The following SCFD2 variants were observed in gnomAD, a reference collection of about 807,000 sequenced individuals.
The protein encoded by SCFD2 is sec1 family domain-containing protein 2.
Under a neutral mutation model 58.9 loss-of-function variants are expected in SCFD2, and 54 were observed. The ratio of observed to expected loss-of-function variants is 0.92; its 90% CI spans 0.74 to 1.15. The LOEUF is 1.15. Among genes scored for constraint, SCFD2 ranks in the 50% most tolerant of loss-of-function variants. The probability of loss-of-function intolerance (pLI) is 0.00; values close to 1 mark genes in which losing one functional copy is unlikely to be tolerated. For missense variants in SCFD2, 805 were observed against 836.6 expected (o/e 0.96, Z 0.47); for synonymous variants, 321 against 335.9 (o/e 0.96, Z 0.49).
At chr4:53,241,033 G>A (rs1729876176) in intron 4 of SCFD2, among the ~76,000 whole-genome samples, 1 of 152,184 alleles carries the variant, frequency 6.6e-6, no homozygotes, top group African/African-American at 2.4e-5. Flanking sequence ...GGGGAAGGAA[G>A]CTGGGAATGC....
At chr4:52,995,830 T>C (rs1432819323) in intron 5 of SCFD2, among the ~76,000 whole-genome samples, 4 of 152,208 alleles carry the variant, frequency 2.6e-5, no homozygotes, top group Admixed American at 2.6e-4. Flanking sequence ...TGCTGTGTTA[T>C]GTCCCACATA....
intron 5 of SCFD2, among the ~76,000 whole-genome samples, chr4:53,070,099 AGAAACCAACCACT>A (rs1723775056): frequency 6.6e-6 from 1 of 152,072 alleles, no homozygotes; most frequent in South Asian, 2.1e-4. Context: ...ATTAAAATAA[AGAAACCAACCACT>A]TATAGCTACA....
intron 5 of SCFD2, among the ~76,000 whole-genome samples, chr4:52,999,400 G>C (rs183537376): frequency 2.0e-5 from 3 of 152,340 alleles, no homozygotes; most frequent in Admixed American, 1.3e-4. Context: ...CCCAGAGGTA[G>C]TGTGTTACGA....
At chr4:53,171,293 C>T (rs1243691516) in intron 4 of SCFD2, among the ~76,000 whole-genome samples, 2 of 152,178 alleles carry the variant, frequency 1.3e-5, no homozygotes, top group African/African-American at 2.4e-5. Context: ...AACCTTCATT[C>T]TGTTAATGTG....
At chr4:52,953,959 T>A (rs1720656021) in intron 5 of SCFD2, among the ~76,000 whole-genome samples, 1 of 152,170 alleles carries the variant, frequency 6.6e-6, no homozygotes, top group Non-Finnish European at 1.5e-5. Context: ...TGGGTTCAAA[T>A]CCTGGTTCTG....
chr4:53,072,798 CTCTT>C (rs1210995931), intron 5 of SCFD2, among the ~76,000 whole-genome samples: 1 of 150,400 alleles, frequency 6.6e-6, no homozygotes, highest in Non-Finnish European at 1.5e-5. Flanking sequence ...GAGAGCTCTT[CTCTT>C]TCTTTCACCT....
chr4:53,040,333 A>C (rs1158985074), intron 5 of SCFD2, among the ~76,000 whole-genome samples: 1 of 152,196 alleles, frequency 6.6e-6, no homozygotes, highest in Admixed American at 6.6e-5. Context: ...AAATTAACAA[A>C]GTATTTATGA....
intron 5 of SCFD2, among the ~76,000 whole-genome samples, chr4:53,103,040 C>T (rs1724875085): frequency 6.6e-6 from 1 of 152,006 alleles, no homozygotes; most frequent in Admixed American, 6.6e-5. Context: ...TGAAAATCAC[C>T]CTTTACAACC....
chr4:53,258,587 T>C (rs1219575404), intron 4 of SCFD2, among the ~76,000 whole-genome samples: 40 of 140,766 alleles, frequency 2.8e-4, no homozygotes, highest in African/African-American at 7.0e-4. Flanking sequence ...TACACACACA[T>C]ATATACATAA....
chr4:53,237,170 C>T (rs1353406515), intron 4 of SCFD2, among the ~76,000 whole-genome samples: 1 of 149,614 alleles, frequency 6.7e-6, no homozygotes, highest in Admixed American at 6.7e-5. Context: ...GGTCATAGAT[C>T]AACAGGATCC....
intron 5 of SCFD2, among the ~76,000 whole-genome samples, chr4:53,120,792 G>A (rs1390866744): frequency 7.9e-5 from 12 of 152,126 alleles, no homozygotes; most frequent in African/African-American, 2.9e-4. Flanking sequence ...GTATAACATG[G>A]CCAAGGTATC....
At chr4:53,248,889 G>C (rs1047937355) in intron 4 of SCFD2, among the ~76,000 whole-genome samples, 1 of 152,200 alleles carries the variant, frequency 6.6e-6, no homozygotes, top group Non-Finnish European at 1.5e-5. Flanking sequence ...ATTCTAAAAA[G>C]CAGAGCGCCT....
chr4:52,931,029 G>A (rs956576737), intron 5 of SCFD2, among the ~76,000 whole-genome samples: 6 of 152,024 alleles, frequency 3.9e-5, no homozygotes, highest in African/African-American at 1.5e-4. Flanking sequence ...AGCCACTTAC[G>A]CCAGGCTCAG....
At chr4:53,050,215 A>G (rs1723152144) in intron 5 of SCFD2, among the ~76,000 whole-genome samples, 1 of 152,208 alleles carries the variant, frequency 6.6e-6, no homozygotes, top group Non-Finnish European at 1.5e-5. Flanking sequence ...TAAGAGAAGC[A>G]AGATCTTACC....
At chr4:53,283,195 T>G (rs561243459) in intron 3 of SCFD2, among the ~76,000 whole-genome samples, 18 of 152,336 alleles carry the variant, frequency 1.2e-4, no homozygotes, top group African/African-American at 4.3e-4. Context: ...CTCCTAAAGG[T>G]AAACACAACA....
intron 7 of SCFD2, among the ~76,000 whole-genome samples, chr4:52,901,097 A>G (rs1281403447): frequency 6.6e-6 from 1 of 152,216 alleles, no homozygotes; most frequent in Admixed American, 6.5e-5. Context: ...TTCCCAGGTG[A>G]GGCGATGCCT....
intron 4 of SCFD2, among the ~76,000 whole-genome samples, chr4:53,212,167 C>A (rs1008094254): frequency 6.6e-6 from 1 of 152,028 alleles, no homozygotes; most frequent in African/African-American, 2.4e-5. Context: ...TAAATCAGAA[C>A]TTAATAGAAT....
chr4:53,332,151 C>T (rs1040568284), intron 2 of SCFD2, among the ~76,000 whole-genome samples: 11 of 150,800 alleles, frequency 7.3e-5, no homozygotes, highest in Admixed American at 1.3e-4. Context: ...GATTCACAGC[C>T]GAATTCTATC....
chr4:53,238,959 G>T (rs1729789630), intron 4 of SCFD2, among the ~76,000 whole-genome samples: 1 of 151,744 alleles, frequency 6.6e-6, no homozygotes. Flanking sequence ...CAGACGGGGT[G>T]GCGGCCGGGC....
Sources: allele counts gnomAD v4.1 joint callset (sites outside exome capture counted in the v4.1 genomes callset), GRCh38; gene constraint gnomAD v4.1.1; transcripts MANE v1.5; gene names NCBI Gene and HGNC (gene_info 2026-07-23, HGNC 2026-07-21).